Variants in ADGRF5 observed in about 807,000 individuals in gnomAD.
ADGRF5 encodes G-protein coupled receptor 116.
ADGRF5 carries 75 observed loss-of-function variants against 132.3 expected under a neutral mutation model. That is an observed-to-expected ratio of 0.57 (90% CI 0.47 to 0.69). The LOEUF (loss-of-function observed/expected upper bound fraction) is 0.69. Among genes scored for constraint, ADGRF5 ranks in the 30% least tolerant of loss-of-function variants. The probability of loss-of-function intolerance (pLI) is 0.00; values close to 1 mark genes in which losing one functional copy is unlikely to be tolerated. For synonymous variants in ADGRF5, 629 were observed against 597.6 expected (o/e 1.05, Z -0.77); for missense variants, 1,516 against 1,630.6 (o/e 0.93, Z 1.21).
At chr6:46,934,753 AC>A (rs2150938409) in intron 1 of ADGRF5, among the ~76,000 whole-genome samples, 1 of 152,308 alleles carries the variant, frequency 6.6e-6, no homozygotes, top group South Asian at 2.1e-4. Context: ...CTTGGAACAA[AC>A]ATATGTAGCT....
At chr6:46,881,951 A>T (rs1772521350) in intron 7 of ADGRF5, 98 bp downstream of exon 7, 1 of 905,268 alleles carries the variant, frequency 1.1e-6, no homozygotes, top group South Asian at 1.3e-5. Flanking sequence ...CCTGCTGAGG[A>T]TTCCACATGA....
chr6:46,883,640 T>G lies in ADGRF5; in HGVS notation c.531A>C (p.Arg177Ser). ...QEDVTLNMRV[R>S]LNVGFQEDLM... Reference sequence around the variant, plus strand: ...GGTCTTCTTGAAAGCCTACATTTAGTCTGACTCTCATGTTCAGGGTAACAT... The same window carrying G: ...GGTCTTCTTGAAAGCCTACATTTAGGCTGACTCTCATGTTCAGGGTAACAT... The change falls in exon 6 of 21, where the codon AGA (arginine) becomes AGC (serine). Residue 177 changes from arginine to serine, a missense_variant. Physicochemically the swap from Arg to Ser is moderately radical, Grantham distance 110. Around this residue, in one of 2 missense-constraint regions of ADGRF5, gnomAD observed 945 missense variants for 929.4 expected, o/e 1.02. Coordinates refer to ENST00000283296, the MANE Select transcript of ADGRF5 (RefSeq NM_001098518.2). 2 of 1,598,566 alleles carry G rather than the reference T, an allele frequency of 1.3e-6. No homozygotes were observed. Among genetic ancestry groups the G allele is most frequent in the Non-Finnish European group, 8.5e-7 (1 of 1,172,092 alleles).
intron 10 of ADGRF5, among the ~76,000 whole-genome samples, chr6:46,875,574 C>T (rs1017772792): frequency 5.3e-5 from 8 of 151,972 alleles, no homozygotes; most frequent in South Asian, 4.2e-4. Flanking sequence ...GTCAGGGGTT[C>T]GAGACCAGCC....
At chr6:46,893,468 C>A (rs1773867368) in intron 3 of ADGRF5, among the ~76,000 whole-genome samples, 1 of 152,066 alleles carries the variant, frequency 6.6e-6, no homozygotes. Context: ...GGGTCAGAGG[C>A]TCTCTCACCT....
At chr6:46,923,081 C>A (rs931952715), upstream of ADGRF5, among the ~76,000 whole-genome samples, 1 of 152,184 alleles carries the variant, frequency 6.6e-6, no homozygotes, top group Non-Finnish European at 1.5e-5. Flanking sequence ...TGCCTACCAG[C>A]ACATCTGGCT....
At chr6:46,894,325 T>G (rs1187754172) in intron 3 of ADGRF5, among the ~76,000 whole-genome samples, 1 of 152,220 alleles carries the variant, frequency 6.6e-6, no homozygotes, top group Non-Finnish European at 1.5e-5. Context: ...CAGAAAGATT[T>G]GTTCACAAAG....
intron 1 of ADGRF5, among the ~76,000 whole-genome samples, chr6:46,918,962 C>T (rs1776659444): frequency 6.6e-6 from 1 of 152,168 alleles, no homozygotes; most frequent in Non-Finnish European, 1.5e-5. Context: ...AACAAACAAA[C>T]AAAAAATCTA....
intron 19 of ADGRF5, 89 bp downstream of exon 19, chr6:46,856,629 A>G (rs1769077725): frequency 5.6e-6 from 5 of 888,282 alleles, no homozygotes; most frequent in South Asian, 4.5e-5. Context: ...TCAAAATCCC[A>G]AAGAAAAAAT....
chr6:46,875,425 G>C (rs1003189737), intron 10 of ADGRF5, among the ~76,000 whole-genome samples: 1 of 152,156 alleles, frequency 6.6e-6, no homozygotes, highest in African/African-American at 2.4e-5. Context: ...GGTGGTGATG[G>C]TACCTGCTTT....
rs553993676 is a variant in ADGRF5, at chr6:46,951,678, C to T, written c.-25+3056G>A. ...CTACTTCCTCCTCTTTTCCTGGCTG[C>T]TTTCCTAAAGCAGGGACTGCTTAAT... is the stretch of plus-strand genomic sequence containing the variant. On this transcript the variant is annotated intron_variant, in intron 1 of 20. Coordinates refer to the ADGRF5 transcript ENST00000265417. 1.5e-4 allele frequency among the ~76,000 whole-genome samples: 23 copies of T among 152,326 alleles called. 1 individual carries two copies. Among genetic ancestry groups the T allele is most frequent in the Admixed American group, 1.0e-3 (16 of 15,296 alleles).
chr6:46,866,437 G>A (rs1770446548), intron 13 of ADGRF5, among the ~76,000 whole-genome samples: 1 of 152,000 alleles, frequency 6.6e-6, no homozygotes, highest in Admixed American at 6.6e-5. Flanking sequence ...AAAACCCAAG[G>A]TTCTGGGTTT....
chr6:46,912,576 G>C (rs1776046523), intron 1 of ADGRF5, among the ~76,000 whole-genome samples: 1 of 152,012 alleles, frequency 6.6e-6, no homozygotes, highest in Non-Finnish European at 1.5e-5. Flanking sequence ...TGATTAGGGA[G>C]GCAATAGAGA....
At chr6:46,889,379 A>G (rs1773400223) in intron 3 of ADGRF5, among the ~76,000 whole-genome samples, 1 of 147,614 alleles carries the variant, frequency 6.8e-6, no homozygotes, top group South Asian at 2.1e-4. Context: ...GTCTATGTAT[A>G]GAGACTACAT....
At chr6:46,862,755 G>A in intron 15 of ADGRF5, 133 bp downstream of exon 15, 1 of 204,604 alleles carries the variant, frequency 4.9e-6, no homozygotes, top group East Asian at 1.2e-4. Flanking sequence ...CATCTCCTTT[G>A]GAAATACACA....
At chr6:46,878,003 A>G (rs757475432) in intron 10 of ADGRF5, among the ~76,000 whole-genome samples, 199 bp downstream of exon 10, 5 of 152,106 alleles carry the variant, frequency 3.3e-5, no homozygotes, top group Non-Finnish European at 5.9e-5. Context: ...AAAGCACGAC[A>G]CTTGTGTGCA....
chr6:46,943,545 C>T (rs1166017551), intron 1 of ADGRF5, among the ~76,000 whole-genome samples: 3 of 152,126 alleles, frequency 2.0e-5, no homozygotes, highest in Admixed American at 6.5e-5. Context: ...GGACCACCTC[C>T]ATCACAGGGT....
At chr6:46,938,977 G>A (rs1181366273) in intron 1 of ADGRF5, among the ~76,000 whole-genome samples, 6 of 151,292 alleles carry the variant, frequency 4.0e-5, no homozygotes, top group Non-Finnish European at 8.8e-5. Context: ...TTCAAGTGAT[G>A]TTCCTGCCTC....
chr6:46,880,155 G>T, intron 8 of ADGRF5, 116 bp from the exon 9 acceptor site: 1 of 713,340 alleles, frequency 1.4e-6, no homozygotes, highest in Non-Finnish European at 2.4e-6. Flanking sequence ...CTGTGGTGCT[G>T]AACTGGCTGA....
chr6:46,900,043 C>G lies in ADGRF5; in HGVS notation c.143G>C (p.Arg48Thr). 1 of 1,612,300 alleles carries G rather than the reference C, an allele frequency of 6.2e-7. No homozygotes were observed. The highest frequency in any genetic ancestry group is 8.5e-7 in the Non-Finnish European group (1 of 1,178,412). Residue 48 changes from arginine (R) to threonine (T), a missense_variant, in exon 3 of 21, where the codon AGG becomes ACG. Physicochemically the swap from Arg to Thr is moderately conservative, Grantham distance 71. Transcript: ENST00000283296. The stretch of plus-strand genomic sequence containing the variant: ...AGTTTACATACCGGCTCGTTTTTGC[C>G]TCAGTGCCTCTTCACCAGCTGGTTC... ...EHEPAGEEAL[R>T]QKRAVATKSP...
Sources: gnomAD v4.1 joint callset for allele counts (sites outside exome capture counted in the v4.1 genomes callset) on GRCh38, gnomAD v4.1.1 for gene constraint, gnomAD v4.1.1 regional missense constraint, MANE v1.5 for transcripts, NCBI Gene and HGNC (gene_info 2026-07-23, HGNC 2026-07-21) for gene names.